Variants in SORCS2 observed in about 807,000 individuals in gnomAD.
SORCS2 encodes VPS10 domain-containing receptor SorCS2.
A neutral mutation model predicts 141.6 loss-of-function variants in SORCS2; 100 were observed. The observed-to-expected ratio is 0.71, with a 90% CI of 0.60 to 0.83. The LOEUF is 0.83. SORCS2 is among the 40% of genes least tolerant of loss of function. The pLI is 0.00. For synonymous variants in SORCS2, 789 were observed against 676.9 expected, an observed-to-expected ratio of 1.17 and a Z score of -2.57; for missense variants, 1,646 against 1,560.2, an observed-to-expected ratio of 1.05 and a Z score of -0.93.
intron 3 of SORCS2, among the ~76,000 whole-genome samples, chr4:7,610,196 C>G (rs16840635): frequency 6.6e-6 from 1 of 152,168 alleles, no homozygotes; most frequent in Non-Finnish European, 1.5e-5. Context: ...ATGCAATTAG[C>G]CGCGGTTGGA....
At chr4:7,642,482 A>G (rs1250793548) in intron 4 of SORCS2, among the ~76,000 whole-genome samples, 2 of 152,204 alleles carry the variant, frequency 1.3e-5, no homozygotes, top group African/African-American at 4.8e-5. Context: ...TTGCAGTTGT[A>G]AAAGGAATGA....
chr4:7,394,407 A>AG (rs1553854566), intron 1 of SORCS2, among the ~76,000 whole-genome samples: 7 of 29,878 alleles, frequency 2.3e-4, no homozygotes, highest in Non-Finnish European at 4.1e-4. Context: ...GCAGGGTTGG[A>AG]GGGGGGGTGT....
chr4:7,204,896 C>T (rs746700103), intron 1 of SORCS2, among the ~76,000 whole-genome samples: 1 of 152,236 alleles, frequency 6.6e-6, no homozygotes, highest in Admixed American at 6.5e-5. Context: ...CTCGGCGCGG[C>T]CGCGCTTGCT....
At chr4:7,453,897 TG>T (rs1728673274) in intron 2 of SORCS2, among the ~76,000 whole-genome samples, 1 of 138,106 alleles carries the variant, frequency 7.2e-6, no homozygotes, top group Non-Finnish European at 1.5e-5. Flanking sequence ...AGGAGGTGTG[TG>T]TTGGGTTCAG....
intron 2 of SORCS2, among the ~76,000 whole-genome samples, chr4:7,467,758 C>T (rs1199088847): frequency 6.6e-6 from 1 of 152,248 alleles, no homozygotes; most frequent in Admixed American, 6.5e-5. Flanking sequence ...TGAGGGGCTG[C>T]ATTCCAAAGT....
chr4:7,585,552 T>A (rs1716482952), intron 3 of SORCS2, among the ~76,000 whole-genome samples: 1 of 152,206 alleles, frequency 6.6e-6, no homozygotes, highest in African/African-American at 2.4e-5. Context: ...CCAGGATATC[T>A]CTCGTCTACC....
chr4:7,590,910 A>G (rs1016448904), intron 3 of SORCS2, among the ~76,000 whole-genome samples: 7 of 152,206 alleles, frequency 4.6e-5, no homozygotes, highest in African/African-American at 1.4e-4. Flanking sequence ...ACATCACCAT[A>G]TCTATATAGG....
At position 7,241,435 on chromosome 4, in the gene SORCS2, T is replaced by C. The variant is rs1257153391; in HGVS notation, c.480+48309T>C. 3.3e-5 allele frequency among the ~76,000 whole-genome samples: 5 copies of C among 152,162 alleles called. No homozygotes were observed. The South Asian group carries it at 6.2e-4, about 19-fold the overall frequency. On this transcript the variant is annotated intron_variant, in intron 1 of 26. Transcript: ENST00000507866. ...GTGGCCCTATAGACCTCCTTTCTCCTCCTTTTCCTCACCTGGACGTGGAAT... is the reference window on the plus strand; with the variant it reads ...GTGGCCCTATAGACCTCCTTTCTCCCCCTTTTCCTCACCTGGACGTGGAAT...
intron 1 of SORCS2, among the ~76,000 whole-genome samples, chr4:7,376,672 C>T (rs2878615): frequency 6.6e-6 from 1 of 152,002 alleles, no homozygotes; most frequent in Non-Finnish European, 1.5e-5. Flanking sequence ...ATTTTCTGCG[C>T]ATGTCTATGT....
chr4:7,505,508 C>T (rs891279193), intron 2 of SORCS2, among the ~76,000 whole-genome samples: 3 of 152,178 alleles, frequency 2.0e-5, no homozygotes, highest in African/African-American at 7.2e-5. Context: ...ATCTGGGGGT[C>T]CCCCAGTGAG....
intron 3 of SORCS2, among the ~76,000 whole-genome samples, chr4:7,605,905 T>TC (rs1718029371): frequency 6.6e-6 from 1 of 151,880 alleles, no homozygotes; most frequent in Admixed American, 6.6e-5. Context: ...CCACAGACAG[T>TC]CCCCCAGGTG....
chr4:7,217,966 G>A (rs574044885), intron 1 of SORCS2, among the ~76,000 whole-genome samples: 1 of 152,292 alleles, frequency 6.6e-6, no homozygotes, highest in African/African-American at 2.4e-5. Context: ...CTTTCCCACT[G>A]TGCAGCTGGG....
At position 7,461,799 on chromosome 4, in the gene SORCS2, T is replaced by A. The variant is rs148618653; in HGVS notation, c.548+65444T>A. On this transcript the variant is annotated intron_variant, in intron 2 of 26. Transcript: ENST00000507866. ...TCCCCAACCCCTGCTGCCCAAAATA[T>A]GGCCTGGGAACCCACACATCAAGCC... Among the ~76,000 whole-genome samples the A allele has an allele frequency of 2.6e-3, 391 of 152,250 alleles. 3 individuals carry two copies. The highest frequency in any genetic ancestry group is 9.0e-3 in the African/African-American group (374 of 41,548).
intron 1 of SORCS2, among the ~76,000 whole-genome samples, chr4:7,394,438 A>C (rs1437674260): frequency 9.8e-6 from 1 of 101,916 alleles, no homozygotes; most frequent in Non-Finnish European, 1.9e-5. Context: ...CATTGAGCCC[A>C]GTGTCGGGGG....
chr4:7,729,094 G>C (rs1329147517), intron 22 of SORCS2, among the ~76,000 whole-genome samples: 2 of 152,232 alleles, frequency 1.3e-5, no homozygotes, highest in African/African-American at 4.8e-5. Context: ...ACTTCCAGGA[G>C]GCAGAGGCAC....
intron 2 of SORCS2, among the ~76,000 whole-genome samples, chr4:7,443,707 G>A (rs1291893725): frequency 6.6e-6 from 1 of 152,246 alleles, no homozygotes; most frequent in East Asian, 1.9e-4. Flanking sequence ...CACCTCCAGA[G>A]TCAGAAACCT....
Position 7,331,760 on chromosome 4 carries a change from G to A in SORCS2, c.481-64528G>A, listed in dbSNP as rs182626034. ...GGCTGACGAAGCGGGTCTGCAGAGCGCCTTGGAAGGCAGGGGTCAGTGGCT... is the reference window on the plus strand; with the variant it reads ...GGCTGACGAAGCGGGTCTGCAGAGCACCTTGGAAGGCAGGGGTCAGTGGCT... On this transcript the variant is annotated intron_variant, in intron 1 of 26. Coordinates refer to ENST00000507866, the MANE Select transcript of SORCS2 (RefSeq NM_020777.3). Among the ~76,000 whole-genome samples, 8 of 152,320 alleles carry A rather than the reference G, an allele frequency of 5.3e-5. No individual in the cohort carries two copies. The East Asian group carries it at 1.2e-3, about 22-fold the overall frequency.
chr4:7,328,018 C>CTTTT lies in SORCS2; in HGVS notation c.481-68248_481-68245dup, dbSNP rs60976971. Among the ~76,000 whole-genome samples, 168 of 88,724 alleles carry CTTTT rather than the reference C, an allele frequency of 1.9e-3. 5 individuals carry two copies. The highest frequency in any genetic ancestry group is 2.9e-3 in the African/African-American group (71 of 24,094). The allele number at this position is 88,724 out of a possible 152,430, so 58.2% of individuals were successfully genotyped here. ...ACTGTGTGCTGAGCCTCGTGCTAGG[C>CTTTT]TTTTTTTTTTTTTTTTTTTTTTTTT... On this transcript the variant is annotated intron_variant, in intron 1 of 26. Coordinates refer to ENST00000507866, the MANE Select transcript of SORCS2 (RefSeq NM_020777.3).
At chr4:7,677,831 C>G (rs994839386) in intron 9 of SORCS2, among the ~76,000 whole-genome samples, 2 of 152,204 alleles carry the variant, frequency 1.3e-5, no homozygotes, top group African/African-American at 4.8e-5. Context: ...GGCGGCCCTC[C>G]TCCACCTGCT....
Sources: allele counts gnomAD v4.1 joint callset (sites outside exome capture counted in the v4.1 genomes callset), GRCh38; gene constraint gnomAD v4.1.1; transcripts MANE v1.5; gene names NCBI Gene and HGNC (gene_info 2026-07-23, HGNC 2026-07-21).